The following MBNL2 variants were observed in gnomAD, a reference collection of about 807,000 sequenced individuals.
MBNL2 encodes muscleblind like splicing regulator 2, also known as muscleblind-like protein 2.
MBNL2 carries 17 observed loss-of-function variants against 41.9 expected under a neutral mutation model. That is an observed-to-expected ratio of 0.41 (90% CI 0.28 to 0.61). The LOEUF (loss-of-function observed/expected upper bound fraction) is 0.61. MBNL2 is among the 20% of genes least tolerant of loss of function. The probability of loss-of-function intolerance (pLI) is 0.35; values close to 1 mark genes in which losing one functional copy is unlikely to be tolerated. For missense variants in MBNL2, 336 were observed against 505.6 expected (o/e 0.66, Z 3.22); for synonymous variants, 195 against 182.9 (o/e 1.07, Z -0.53).
rs1384276786 is a variant in MBNL2 at position 97,334,236 on chromosome 13, C to T, written c.175-40C>T. 6.5e-7 allele frequency: 1 copy of T among 1,536,028 alleles called. No individual in the cohort carries two copies. The highest frequency in any genetic ancestry group is 1.2e-5 in the South Asian group (1 of 80,824). On this transcript the variant is annotated intron_variant, in intron 2 of 8. Coordinates refer to ENST00000679496, the MANE Select transcript of MBNL2 (RefSeq NM_001382683.1). The surrounding 1 kb of genome is among the most constrained non-coding windows in gnomAD (Gnocchi z 5.3). The stretch of plus-strand genomic sequence containing the variant: ...CAGTGGTTGACTTTGGAGTTGCAAG[C>T]TACTTAAAATAGTCCTAAAACCAAC...
chr13:97,193,480 G>A, the MBNL2 span, among the ~76,000 whole-genome samples: 150 of 152,312 alleles, frequency 9.8e-4, 1 homozygote, highest in East Asian at 0.028. Flanking sequence ...TGGGTTAAGA[G>A]CACAAATCCT....
chr13:97,278,272 A>T (rs893137368), intron 2 of MBNL2, among the ~76,000 whole-genome samples: 1 of 150,916 alleles, frequency 6.6e-6, no homozygotes, highest in Non-Finnish European at 1.5e-5. Flanking sequence ...AAAAAAAAAA[A>T]AAAAAGCAGT....
the MBNL2 span, among the ~76,000 whole-genome samples, chr13:97,180,762 A>T: frequency 6.9e-6 from 1 of 144,328 alleles, no homozygotes; most frequent in Non-Finnish European, 1.5e-5. Context: ...AAAAAAAAAA[A>T]AACATGTTGT....
At chr13:97,224,909 A>G (rs2041370103) in intron 1 of MBNL2, among the ~76,000 whole-genome samples, 1 of 152,252 alleles carries the variant, frequency 6.6e-6, no homozygotes, top group East Asian at 1.9e-4. Context: ...AAGCTCTGCA[A>G]AGCACACTAT....
At chr13:97,341,580 CA>C (rs937736254) in intron 3 of MBNL2, among the ~76,000 whole-genome samples, 3 of 152,134 alleles carry the variant, frequency 2.0e-5, no homozygotes, top group African/African-American at 4.8e-5. Context: ...AACTTTCTCC[CA>C]AAGTGGATTT....
chr13:97,183,594 C>A, the MBNL2 span, among the ~76,000 whole-genome samples: 1 of 152,154 alleles, frequency 6.6e-6, no homozygotes, highest in East Asian at 1.9e-4. Flanking sequence ...GTGGCCAGCA[C>A]CTGGTGTTTT....
chr13:97,211,947 G>A, the MBNL2 span, among the ~76,000 whole-genome samples: 3 of 152,310 alleles, frequency 2.0e-5, no homozygotes, highest in South Asian at 6.2e-4. Context: ...CTGGGAAAGA[G>A]ATAGCAGTAT....
chr13:97,336,517 A>G (rs775778264), intron 3 of MBNL2, among the ~76,000 whole-genome samples: 7 of 152,146 alleles, frequency 4.6e-5, no homozygotes, highest in Non-Finnish European at 1.0e-4. Context: ...TATAAGAGAG[A>G]GGGAGAGTTA....
At chr13:97,241,692 G>A (rs138001945) in intron 1 of MBNL2, among the ~76,000 whole-genome samples, 87 of 152,216 alleles carry the variant, frequency 5.7e-4, no homozygotes, top group Middle Eastern at 3.4e-3. Flanking sequence ...TTGCACACAC[G>A]CACGTGTGCA....
intron 2 of MBNL2, among the ~76,000 whole-genome samples, chr13:97,304,931 C>T (rs559163696): frequency 6.8e-4 from 103 of 152,266 alleles, no homozygotes; most frequent in African/African-American, 2.3e-3. Flanking sequence ...TCTGTTTAAC[C>T]TTTATACCTT....
chr13:97,291,134 A>G (rs989876406), intron 2 of MBNL2, among the ~76,000 whole-genome samples: 2 of 152,130 alleles, frequency 1.3e-5, no homozygotes, highest in African/African-American at 4.8e-5. Flanking sequence ...GGTTGGTTAA[A>G]AAAAGCCTCT....
intron 1 of MBNL2, among the ~76,000 whole-genome samples, chr13:97,235,212 GT>G (rs2043051537): frequency 6.6e-6 from 1 of 151,668 alleles, no homozygotes. Context: ...CACAAACTCT[GT>G]CTTTTTTTTT....
upstream of MBNL2, among the ~76,000 whole-genome samples, chr13:97,218,430 C>CAAAA (rs746110575): frequency 2.9e-5 from 2 of 69,054 alleles, no homozygotes; most frequent in African/African-American, 9.9e-5. Context: ...AAAAACAAAA[C>CAAAA]AAAACAAAAC....
the MBNL2 span, among the ~76,000 whole-genome samples, chr13:97,190,463 C>T: frequency 8.6e-5 from 13 of 151,640 alleles, no homozygotes; most frequent in Non-Finnish European, 1.5e-5. Flanking sequence ...AGTTAATTTC[C>T]CAGAATTATC....
rs565743334 is a variant in MBNL2 at position 97,275,978 on chromosome 13, G to A, written c.-258G>A. 37 of 363,960 alleles carry A rather than the reference G, an allele frequency of 1.0e-4. 1 individual carries two copies. Among genetic ancestry groups the A allele is most frequent in the African/African-American group, 6.8e-4 (33 of 48,464 alleles). 22.5% of individuals were successfully genotyped at this position (363,960 alleles called of 1,614,324 possible). A position where few individuals can be genotyped will look rare whatever the true frequency, so the allele number is the denominator to read the frequency against. ...TGCAAAACAGTCAAGAGACTCGGACGTTGAAAGCCAGAGATGACACTGAGC... is the reference window on the plus strand; with the variant it reads ...TGCAAAACAGTCAAGAGACTCGGACATTGAAAGCCAGAGATGACACTGAGC... On this transcript the variant is annotated 5_prime_UTR_variant, in exon 2 of 9. Coordinates refer to ENST00000679496, the MANE Select transcript of MBNL2 (RefSeq NM_001382683.1).
chr13:97,171,565 A>T, the MBNL2 span, among the ~76,000 whole-genome samples: 1 of 152,362 alleles, frequency 6.6e-6, no homozygotes, highest in Non-Finnish European at 1.5e-5. Flanking sequence ...TCCTCATTAC[A>T]TAAATCATTT....
chr13:97,238,157 A>T (rs565580573), intron 1 of MBNL2, among the ~76,000 whole-genome samples: 1 of 152,240 alleles, frequency 6.6e-6, no homozygotes, highest in Non-Finnish European at 1.5e-5. Flanking sequence ...AGGCTTCTGT[A>T]GCGTGTGGAG....
At chr13:97,280,592 C>A (rs905338526) in intron 2 of MBNL2, among the ~76,000 whole-genome samples, 3 of 152,188 alleles carry the variant, frequency 2.0e-5, no homozygotes, top group Non-Finnish European at 4.4e-5. Context: ...AGTGGCTTCT[C>A]ACCACACTCA....
chr13:97,343,732 T>C (rs994094225), intron 4 of MBNL2, among the ~76,000 whole-genome samples: 1 of 152,230 alleles, frequency 6.6e-6, no homozygotes, highest in Admixed American at 6.5e-5. Flanking sequence ...CTCTAGTGTG[T>C]TCTGGCATAT....
Sources: allele counts gnomAD v4.1 joint callset (sites outside exome capture counted in the v4.1 genomes callset), GRCh38; gene constraint gnomAD v4.1.1; non-coding constraint Gnocchi (gnomAD v3.1); transcripts MANE v1.5; gene names NCBI Gene and HGNC (gene_info 2026-07-23, HGNC 2026-07-21).